Variants in PDC observed in about 807,000 individuals in gnomAD.
The protein encoded by PDC is phosducin.
Under a neutral mutation model 22.2 loss-of-function variants are expected in PDC, and 19 were observed. The ratio of observed to expected loss-of-function variants is 0.86; its 90% CI spans 0.60 to 1.26. The LOEUF is 1.26. Among genes scored for constraint, PDC ranks in the 50% most tolerant of loss-of-function variants. The pLI, the probability that PDC is intolerant of heterozygous loss-of-function variation, is 0.00. For missense variants in PDC, 274 were observed against 286.8 expected, an observed-to-expected ratio of 0.96 and a Z score of 0.32; for synonymous variants, 97 against 96.2, an observed-to-expected ratio of 1.01 and a Z score of -0.05.
chr1:186,455,801 A>AC (rs764676385), intron 1 of PDC, among the ~76,000 whole-genome samples: 16,140 of 128,352 alleles, frequency 0.13, 1,226 homozygotes, highest in Non-Finnish European at 0.19. Flanking sequence ...CTCTACTAAA[A>AC]AAAAAAAAAA....
chr1:186,447,155 AT>A (rs66503956), intron 2 of PDC, among the ~76,000 whole-genome samples: 18,935 of 148,958 alleles, frequency 0.13, 1,527 homozygotes, highest in East Asian at 0.38. Context: ...TTGGCAGATT[AT>A]TTTTTTTTTT....
intron 1 of PDC, among the ~76,000 whole-genome samples, chr1:186,456,425 T>G (rs1662473711): frequency 6.6e-6 from 1 of 152,198 alleles, no homozygotes; most frequent in African/African-American, 2.4e-5. Flanking sequence ...TTTTTCTTTT[T>G]GCAAATTATG....
intron 1 of PDC, among the ~76,000 whole-genome samples, chr1:186,459,136 T>A (rs1409788361): frequency 6.6e-6 from 1 of 152,018 alleles, no homozygotes; most frequent in Non-Finnish European, 1.5e-5. Flanking sequence ...CACTCCAGCC[T>A]GGGGGACAGA....
At chr1:186,455,737 G>A (rs1429374994) in intron 1 of PDC, among the ~76,000 whole-genome samples, 34 of 145,622 alleles carry the variant, frequency 2.3e-4, no homozygotes, top group South Asian at 8.7e-4. Flanking sequence ...CGAGGCGGGC[G>A]GATCACGAGG....
rs555669506 is a variant in PDC, at chr1:186,448,682, G to T, written c.61+717C>A. The T allele has an allele frequency of 3.1e-6, 3 of 965,336 alleles. No homozygotes were observed. In the African/African-American group the frequency reaches 5.3e-5, roughly 17 times the overall value. The allele number at this position is 965,336 out of a possible 1,614,324, so 59.8% of individuals were successfully genotyped here. A position where few individuals can be genotyped will look rare whatever the true frequency, so the allele number is the denominator to read the frequency against. On this transcript the variant is annotated intron_variant, in intron 2 of 3. Transcript: ENST00000391997. ...TTTTGTTTTTGTCATAATTAGGAAG[G>T]TATTCCTCACATTGCTATTATAAAA... is the stretch of plus-strand genomic sequence containing the variant.
At position 186,444,288 on chromosome 1, in the gene PDC, A is replaced by G. The variant is rs762255437; in HGVS notation, c.432T>C (p.Gly144=). ...TGTTTAGAGCATCACAACCCTTAATACCATCTTCATAAATGTGAACAACAA... is the reference window on the plus strand; with the variant it reads ...TGTTTAGAGCATCACAACCCTTAATGCCATCTTCATAAATGTGAACAACAA... ...TTIVVHIYED[G]IKGCDALNSS... The change falls in exon 4 of 4, where the codon GGT becomes GGC. Residue 144 remains glycine, a synonymous_variant. Transcript: ENST00000391997. 5 of 1,613,724 alleles carry G rather than the reference A, an allele frequency of 3.1e-6. No individual in the cohort carries two copies. The highest frequency in any genetic ancestry group is 1.3e-5 in the African/African-American group (1 of 74,922).
At chr1:186,459,415 C>T (rs940119325) in intron 1 of PDC, among the ~76,000 whole-genome samples, 7 of 152,152 alleles carry the variant, frequency 4.6e-5, no homozygotes, top group Non-Finnish European at 8.8e-5. Context: ...CCAGCCTTGG[C>T]CTCCCGAGGT....
chr1:186,450,423 C>T (rs1326021985), intron 1 of PDC, among the ~76,000 whole-genome samples: 1 of 152,044 alleles, frequency 6.6e-6, no homozygotes. Context: ...ACTGCAGCCT[C>T]AAACTTCTGG....
rs57593838 is a variant in PDC at position 186,454,172 on chromosome 1, T to C, written c.-24-4689A>G. Among the ~76,000 whole-genome samples the C allele has an allele frequency of 4.9e-3, 648 of 133,188 alleles. 1 individual carries two copies. Among genetic ancestry groups the C allele is most frequent in the Non-Finnish European group, 6.6e-3 (421 of 64,134 alleles). The allele number at this position is 133,188 out of a possible 152,430, so 87.4% of individuals were successfully genotyped here. A position where few individuals can be genotyped will look rare whatever the true frequency, so the allele number is the denominator to read the frequency against. ...GTTTATTTCTTTCTTTTCTTTCTTT[T>C]TTTTTTTTTTTTTTTTTTTGAGACA... On this transcript the variant is annotated intron_variant, in intron 1 of 3. Coordinates refer to ENST00000391997, the MANE Select transcript of PDC (RefSeq NM_002597.5).
rs1035064316 is a variant in PDC, at chr1:186,458,979, T to A, written c.-25+2080A>T. On this transcript the variant is annotated intron_variant, in intron 1 of 3. Coordinates refer to ENST00000391997, the MANE Select transcript of PDC (RefSeq NM_002597.5). ...GAATTCAAGACCAGCCTGGGCAACATGGCAAAACCCCATCTCTACAAAAAG... is the reference window on the plus strand; with the variant it reads ...GAATTCAAGACCAGCCTGGGCAACAAGGCAAAACCCCATCTCTACAAAAAG... Among the ~76,000 whole-genome samples, 4 of 152,246 alleles carry A rather than the reference T, an allele frequency of 2.6e-5. No individual in the cohort carries two copies. The East Asian group carries it at 7.8e-4, about 30-fold the overall frequency.
intron 2 of PDC, among the ~76,000 whole-genome samples, chr1:186,448,906 A>G (rs1419004325): frequency 6.6e-6 from 1 of 152,116 alleles, no homozygotes; most frequent in African/African-American, 2.4e-5. Context: ...TTAACAGATT[A>G]AGAAAACAGA....
intron 1 of PDC, among the ~76,000 whole-genome samples, chr1:186,456,187 A>G (rs1662467794): frequency 6.6e-6 from 1 of 151,600 alleles, no homozygotes; most frequent in African/African-American, 2.4e-5. Flanking sequence ...AAAGTGGTAC[A>G]CAGATTTAGT....
intron 1 of PDC, among the ~76,000 whole-genome samples, chr1:186,455,797 TAAAAAAAAAA>T (rs71104862): frequency 2.0e-4 from 8 of 39,354 alleles, no homozygotes; most frequent in Non-Finnish European, 2.7e-4. Context: ...CCGTCTCTAC[TAAAAAAAAAA>T]AAAAAAAAAA....
chr1:186,449,242 A>G (rs1436546999), intron 2 of PDC, among the ~76,000 whole-genome samples, 157 bp downstream of exon 2: 1 of 152,164 alleles, frequency 6.6e-6, no homozygotes, highest in East Asian at 1.9e-4. Context: ...TTTGATTTCA[A>G]AAATTAATTT....
intron 2 of PDC, among the ~76,000 whole-genome samples, chr1:186,448,986 G>A (rs571566972): frequency 6.6e-6 from 1 of 151,986 alleles, no homozygotes; most frequent in South Asian, 2.1e-4. Flanking sequence ...AAAATAAAGG[G>A]AATATCTTAT....
At chr1:186,448,208 G>T (rs1402058719) in intron 2 of PDC, among the ~76,000 whole-genome samples, 1 of 152,102 alleles carries the variant, frequency 6.6e-6, no homozygotes, top group Admixed American at 6.5e-5. Flanking sequence ...TACTAATTTT[G>T]ATATTGCTAG....
intron 2 of PDC, among the ~76,000 whole-genome samples, chr1:186,447,522 A>T (rs1662258502): frequency 6.6e-6 from 1 of 152,196 alleles, no homozygotes; most frequent in Non-Finnish European, 1.5e-5. Context: ...AGTTGACCTG[A>T]TGACTAACAA....
chr1:186,451,310 A>G (rs1271100011), intron 1 of PDC: 1 of 152,216 alleles, frequency 6.6e-6, no homozygotes, highest in Non-Finnish European at 1.5e-5. Context: ...TTACATTTGA[A>G]TGGATTTAGT....
intron 2 of PDC, among the ~76,000 whole-genome samples, chr1:186,449,185 T>A (rs1662296660): frequency 1.3e-5 from 2 of 152,204 alleles, no homozygotes; most frequent in Non-Finnish European, 2.9e-5. Context: ...TAATTGGTGT[T>A]TTTGTTTTTT....
Sources: allele counts gnomAD v4.1 joint callset (sites outside exome capture counted in the v4.1 genomes callset), GRCh38; gene constraint gnomAD v4.1.1; transcripts MANE v1.5; gene names NCBI Gene and HGNC (gene_info 2026-07-23, HGNC 2026-07-21).